Variants in FLACC1 observed in about 807,000 individuals in gnomAD.
The protein encoded by FLACC1 is flagellum associated containing coiled-coil domains 1, also known as flagellum-associated coiled-coil domain-containing protein 1.
A neutral mutation model predicts 62.8 loss-of-function variants in FLACC1; 66 were observed. The ratio of observed to expected loss-of-function variants is 1.05; its 90% CI spans 0.86 to 1.29. FLACC1 has a LOEUF of 1.29. Ranked by LOEUF, FLACC1 falls within the 50% of genes most tolerant of loss-of-function variation. FLACC1 has a pLI of 0.00. For missense variants in FLACC1, 452 were observed against 489.1 expected (o/e 0.92, Z 0.71); for synonymous variants, 156 against 161.0 (o/e 0.97, Z 0.24).
chr2:201,290,514 G>C (rs1413445486), intron 12 of FLACC1, among the ~76,000 whole-genome samples: 3 of 152,188 alleles, frequency 2.0e-5, no homozygotes, highest in African/African-American at 7.2e-5. Flanking sequence ...ATAGAAGCCT[G>C]TGCAAAGGTC....
chr2:201,291,527 C>T (rs375843139), intron 12 of FLACC1, among the ~76,000 whole-genome samples: 2 of 152,154 alleles, frequency 1.3e-5, no homozygotes, highest in African/African-American at 4.8e-5. Context: ...CCCATCTGTA[C>T]GTCACTGTCA....
At chr2:201,330,572 A>AT in intron 8 of FLACC1, 50 bp from the exon 9 acceptor site, 1 of 1,592,754 alleles carries the variant, frequency 6.3e-7, no homozygotes, top group South Asian at 1.1e-5. Context: ...TGATATGCAC[A>AT]TTTTCAAATT....
In FLACC1 at chr2:201,289,462, A is replaced by T. The variant is rs1402909001; in HGVS notation, c.1137T>A (p.His379Gln). ...TTTTTCAGCAGCAGCCGCACTTCAGATGAATGTTCTCTTCCGTCAGGATCT... is the reference window on the plus strand; with the variant it reads ...TTTTTCAGCAGCAGCCGCACTTCAGTTGAATGTTCTCTTCCGTCAGGATCT... ...TIQILTEENI[H>Q]LKQKIISKNE... is the part of the protein sequence containing the mutation. The change falls in exon 14 of 15, where the codon CAT (histidine) becomes CAA (glutamine). Residue 379 changes from histidine to glutamine, a missense_variant. His to Gln is a conservative substitution (Grantham distance 24). Around this residue, in one of 3 missense-constraint regions of FLACC1, gnomAD observed 301 missense variants for 318.4 expected, o/e 0.95. Coordinates refer to ENST00000392257, the MANE Select transcript of FLACC1 (RefSeq NM_001127391.3). 6.2e-7 allele frequency: 1 copy of T among 1,614,032 alleles called. No individual in the cohort carries two copies. Among genetic ancestry groups the T allele is most frequent in the Non-Finnish European group, 8.5e-7 (1 of 1,179,884 alleles).
At chr2:201,299,156 G>A in intron 12 of FLACC1, 82 bp downstream of exon 12, 1 of 1,266,826 alleles carries the variant, frequency 7.9e-7, no homozygotes, top group South Asian at 1.4e-5. Flanking sequence ...AATTATCATT[G>A]ATTCCATTAT....
At chr2:201,309,739 T>C (rs930070099) in intron 9 of FLACC1, among the ~76,000 whole-genome samples, 1 of 150,988 alleles carries the variant, frequency 6.6e-6, no homozygotes, top group African/African-American at 2.4e-5. Context: ...AAACCCCATC[T>C]CTACTAAAAA....
chr2:201,303,545 T>C (rs1017348538), intron 11 of FLACC1, among the ~76,000 whole-genome samples: 4 of 152,124 alleles, frequency 2.6e-5, no homozygotes, highest in Non-Finnish European at 4.4e-5. Context: ...TTGCAATCAA[T>C]AGAAAAAGAG....
intron 12 of FLACC1, among the ~76,000 whole-genome samples, chr2:201,293,711 C>CA (rs1316241369): frequency 1.3e-5 from 2 of 151,628 alleles, no homozygotes; most frequent in African/African-American, 4.9e-5. Context: ...AAAAACCCTT[C>CA]AAAAAATCAA....
At chr2:201,321,630 C>T (rs71406913) in intron 9 of FLACC1, among the ~76,000 whole-genome samples, 1,608 of 152,228 alleles carry the variant, frequency 0.011, 6 homozygotes, top group Non-Finnish European at 0.016. Context: ...TAGGTTCAAG[C>T]TTGTATGAGA....
intron 2 of FLACC1, 140 bp downstream of exon 2, chr2:201,351,152 G>C (rs1048391946): frequency 1.4e-6 from 1 of 737,678 alleles, no homozygotes; most frequent in Non-Finnish European, 2.3e-6. Flanking sequence ...CAGCTGGCAG[G>C]GAAGCTGGGG....
Position 201,309,196 on chromosome 2 carries a change from T to C in FLACC1, c.730A>G (p.Lys244Glu), listed in dbSNP as rs756127588. Residue 244 changes from lysine to glutamate, a missense_variant, in exon 10 of 15, where the codon AAG becomes GAG. By Grantham distance (56) the Lys-to-Glu change is moderately conservative. Transcript: ENST00000392257. ...EKWSKQKAKW[K>E]KDEKFERENI... ...TCTCGCTCGAACTTCTCATCCTTCT[T>C]CCATTTCGCCTTCTGTTTTGACCAC... 1 of 1,614,030 alleles carries C rather than the reference T, an allele frequency of 6.2e-7. No homozygotes were observed. The highest frequency in any genetic ancestry group is 1.3e-5 in the African/African-American group (1 of 74,916).
chr2:201,311,117 T>C (rs367713479), intron 9 of FLACC1, among the ~76,000 whole-genome samples: 4 of 151,232 alleles, frequency 2.6e-5, no homozygotes, highest in African/African-American at 7.3e-5. Context: ...ATAGACAATA[T>C]TGAGTTTTGA....
chr2:201,308,723 T>C (rs1195263215), intron 10 of FLACC1, among the ~76,000 whole-genome samples: 1 of 152,206 alleles, frequency 6.6e-6, no homozygotes, highest in African/African-American at 2.4e-5. Context: ...GACGTGGGAA[T>C]ATAGAAGCTC....
At chr2:201,291,180 G>T (rs1949726077) in intron 12 of FLACC1, among the ~76,000 whole-genome samples, 1 of 152,176 alleles carries the variant, frequency 6.6e-6, no homozygotes, top group African/African-American at 2.4e-5. Flanking sequence ...AGAGAGTAAT[G>T]GTTCTCCCAG....
At chr2:201,332,563 T>C (rs1313467105) in intron 7 of FLACC1, among the ~76,000 whole-genome samples, 3 of 152,194 alleles carry the variant, frequency 2.0e-5, no homozygotes, top group African/African-American at 7.2e-5. Flanking sequence ...GTTTTTTCAG[T>C]GAGAACATTT....
intron 9 of FLACC1, among the ~76,000 whole-genome samples, chr2:201,313,000 G>A (rs1450837012): frequency 6.6e-6 from 1 of 152,216 alleles, no homozygotes; most frequent in South Asian, 2.1e-4. Flanking sequence ...ACCTGGAGCT[G>A]AGTCAATTTA....
intron 9 of FLACC1, among the ~76,000 whole-genome samples, chr2:201,309,634 C>A (rs568919917): frequency 6.6e-6 from 1 of 152,008 alleles, no homozygotes; most frequent in Non-Finnish European, 1.5e-5. Context: ...GGAGGCCGGG[C>A]GCAGTGGCTC....
At chr2:201,322,329 A>G (rs868440120) in intron 9 of FLACC1, among the ~76,000 whole-genome samples, 10 of 151,978 alleles carry the variant, frequency 6.6e-5, no homozygotes, top group African/African-American at 2.4e-4. Context: ...GCCACAGGGG[A>G]ATGAGATAAG....
At position 201,346,258 on chromosome 2, in the gene FLACC1, TCCTCA is replaced by T. The variant is rs1950911686; in HGVS notation, c.368+279_368+283del. ...ACTAATTTATGGCTATTCTATCTAT[TCCTCA>T]CCCCACGAACAATTGCTATCCTTTG... On this transcript the variant is annotated intron_variant, in intron 5 of 14. Coordinates refer to ENST00000392257, the MANE Select transcript of FLACC1 (RefSeq NM_001127391.3). The surrounding 1 kb of genome is among the most constrained non-coding windows in gnomAD (Gnocchi z 4.0). Among the ~76,000 whole-genome samples the T allele has an allele frequency of 6.6e-6, 1 of 152,204 alleles. No individual in the cohort carries two copies. The highest frequency in any genetic ancestry group is 2.1e-4 in the South Asian group (1 of 4,836).
At chr2:201,316,235 C>G (rs1366987466) in intron 9 of FLACC1, among the ~76,000 whole-genome samples, 1 of 151,658 alleles carries the variant, frequency 6.6e-6, no homozygotes, top group Non-Finnish European at 1.5e-5. Context: ...ATCAAACAAA[C>G]AAACAAACAA....
Sources: gnomAD v4.1 joint callset for allele counts (sites outside exome capture counted in the v4.1 genomes callset) on GRCh38, gnomAD v4.1.1 for gene constraint, gnomAD v4.1.1 regional missense constraint, Gnocchi (gnomAD v3.1) non-coding constraint, MANE v1.5 for transcripts, NCBI Gene and HGNC (gene_info 2026-07-23, HGNC 2026-07-21) for gene names.